Variants in MYO16 observed in about 807,000 individuals in gnomAD.
MYO16 encodes the protein unconventional myosin-XVI.
In MYO16, 94 loss-of-function variants were observed where a neutral mutation model predicts 205.3. The observed-to-expected ratio is 0.46, with a 90% CI of 0.39 to 0.54. MYO16 has a LOEUF of 0.54. Among genes scored for constraint, MYO16 ranks in the 20% least tolerant of loss-of-function variants. The pLI is 0.00. For synonymous variants in MYO16, 988 were observed against 954.0 expected (o/e 1.04, Z -0.66); for missense variants, 2,315 against 2,387.5 (o/e 0.97, Z 0.63).
chr13:109,069,819 A>T (rs895434373), intron 27 of MYO16, among the ~76,000 whole-genome samples: 6 of 152,096 alleles, frequency 3.9e-5, no homozygotes, highest in Non-Finnish European at 8.8e-5. Flanking sequence ...AGACTTCAAC[A>T]TATGAATTTT....
chr13:108,850,990 A>C (rs770828656), intron 10 of MYO16, among the ~76,000 whole-genome samples: 9 of 152,238 alleles, frequency 5.9e-5, no homozygotes, highest in Non-Finnish European at 1.2e-4. Context: ...AACTTCTGTT[A>C]GTACTATTCA....
At chr13:108,840,598 T>C (rs759406056) in intron 9 of MYO16, among the ~76,000 whole-genome samples, 3 of 152,198 alleles carry the variant, frequency 2.0e-5, no homozygotes, top group Non-Finnish European at 4.4e-5. Context: ...AGCATACTGA[T>C]GCAATCACAG....
In MYO16 at chr13:108,654,024, G is replaced by C. The variant is rs1881131994; in HGVS notation, c.29-11862G>C. Reference sequence around the variant, plus strand: ...TTTAGGGTACAAGTCACAGCATGGAGTGTCTCTGCTTGAGTCAAGGGGACA... The same window carrying C: ...TTTAGGGTACAAGTCACAGCATGGACTGTCTCTGCTTGAGTCAAGGGGACA... On this transcript the variant is annotated intron_variant, in intron 1 of 34. Transcript: ENST00000457511. Among the ~76,000 whole-genome samples, 2 of 152,058 alleles carry C rather than the reference G, an allele frequency of 1.3e-5. 1 individual carries two copies. The highest frequency in any genetic ancestry group is 4.8e-5 in the African/African-American group (2 of 41,390).
chr13:108,844,379 T>G lies in MYO16; in HGVS notation c.1134T>G (p.Ser378Arg), dbSNP rs746752185. The G allele has an allele frequency of 1.9e-6, 3 of 1,613,258 alleles. No individual in the cohort carries two copies. Among genetic ancestry groups the G allele is most frequent in the Admixed American group, 3.3e-5 (2 of 59,946 alleles). ...PLVLPIAKQD[S>R]LLEKDIMFKD... ...TGTTACCAATTGCCAAGCAAGACAG[T>G]TTGTTGGAAAAAGACATTATGTTCA... The change falls in exon 10 of 35, where the codon AGT becomes AGG. Residue 378 changes from serine to arginine, a missense_variant. Physicochemically the swap from Ser to Arg is moderately radical, Grantham distance 110. Around this residue, in one of 3 missense-constraint regions of MYO16, gnomAD observed 1,213 missense variants for 1,274.4 expected, o/e 0.95. Coordinates refer to ENST00000457511, the MANE Select transcript of MYO16 (RefSeq NM_001198950.3).
At chr13:108,582,263 T>G in the MYO16 span, among the ~76,000 whole-genome samples, 3 of 152,284 alleles carry the variant, frequency 2.0e-5, no homozygotes, top group Admixed American at 2.0e-4. Context: ...TTGAGCTGGA[T>G]GTTGAAACAC....
chr13:108,759,962 G>A (rs1225435893), intron 4 of MYO16, among the ~76,000 whole-genome samples: 2 of 152,146 alleles, frequency 1.3e-5, no homozygotes, highest in Non-Finnish European at 2.9e-5. Flanking sequence ...TTATTCTGGG[G>A]ATGCATGTGA....
At chr13:109,082,046 A>T (rs1366184504) in intron 27 of MYO16, among the ~76,000 whole-genome samples, 1 of 152,216 alleles carries the variant, frequency 6.6e-6, no homozygotes, top group Admixed American at 6.5e-5. Context: ...CAAAGCCTGA[A>T]GCAGTTGCTA....
chr13:109,122,456 A>G lies in MYO16; in HGVS notation c.3535+1990A>G, dbSNP rs1269720414. Among the ~76,000 whole-genome samples, 3 of 152,186 alleles carry G rather than the reference A, an allele frequency of 2.0e-5. No individual in the cohort carries two copies. The East Asian group carries it at 5.8e-4, about 29-fold the overall frequency. ...CACTTTGGGAGGCCGAGGCAGGCGG[A>G]TCACCTGTGGTTAGGAGTTTGAGAC... is the stretch of plus-strand genomic sequence containing the variant. On this transcript the variant is annotated intron_variant, in intron 29 of 34. Coordinates refer to ENST00000457511, the MANE Select transcript of MYO16 (RefSeq NM_001198950.3).
Position 108,823,169 on chromosome 13 carries a change from G to A in MYO16, c.988G>A (p.Glu330Lys), listed in dbSNP as rs775498997. 5.6e-6 allele frequency: 9 copies of A among 1,612,460 alleles called. No individual in the cohort carries two copies. The highest frequency in any genetic ancestry group is 4.5e-5 in the East Asian group (2 of 44,860). Reference protein sequence around the residue: ...EFIEEMLLKAEIAWEEKMKEP... With the variant: ...EFIEEMLLKAKIAWEEKMKEP... Reference sequence around the variant, plus strand: ...TATTGAGGAAATGCTGCTGAAAGCCGAAATTGCCTGGGAAGAAAAAATGAA... The same window carrying A: ...TATTGAGGAAATGCTGCTGAAAGCCAAAATTGCCTGGGAAGAAAAAATGAA... The change falls in exon 9 of 35, where the codon GAA becomes AAA. Residue 330 changes from glutamate to lysine, a missense_variant. Transcript: ENST00000457511.
At chr13:108,556,300 C>T in the MYO16 span, among the ~76,000 whole-genome samples, 2 of 151,302 alleles carry the variant, frequency 1.3e-5, no homozygotes, top group Admixed American at 1.3e-4. Context: ...CCTTGCAACA[C>T]TTTGTCACTC....
intron 27 of MYO16, among the ~76,000 whole-genome samples, chr13:109,064,187 T>C (rs964613126): frequency 4.6e-5 from 7 of 152,214 alleles, no homozygotes; most frequent in African/African-American, 1.7e-4. Context: ...TAAGTACCTA[T>C]ATAATATCCT....
chr13:109,196,770 A>T (rs1195088784), intron 34 of MYO16, among the ~76,000 whole-genome samples: 1 of 152,166 alleles, frequency 6.6e-6, no homozygotes, highest in Non-Finnish European at 1.5e-5. Flanking sequence ...GCTCCGTATA[A>T]ACCGTGACTT....
the MYO16 span, among the ~76,000 whole-genome samples, chr13:108,578,665 T>C: frequency 6.6e-6 from 1 of 152,182 alleles, no homozygotes; most frequent in Admixed American, 6.5e-5. Flanking sequence ...AAAAACAACC[T>C]GGCATCCTGG....
At chr13:108,608,286 G>A (rs979165549) in intron 1 of MYO16, among the ~76,000 whole-genome samples, 1 of 152,122 alleles carries the variant, frequency 6.6e-6, no homozygotes, top group Non-Finnish European at 1.5e-5. Flanking sequence ...CCTTTGCCCT[G>A]CTCCCCTGTA....
chr13:109,088,129 T>C (rs1888498976), intron 27 of MYO16, among the ~76,000 whole-genome samples: 1 of 152,206 alleles, frequency 6.6e-6, no homozygotes. Context: ...TTCAGCTCCA[T>C]CGCAGTCTGG....
intron 34 of MYO16, chr13:109,201,415 C>G (rs1163749648): frequency 1.4e-5 from 2 of 143,192 alleles, no homozygotes; most frequent in African/African-American, 5.3e-5. Flanking sequence ...TATAGTTACC[C>G]ATGGGTTTAC....
rs370260372 is a variant in MYO16, at chr13:108,813,706, C to G, written c.868-6631C>G. ...TACAGACACACAACACATACACACT[C>G]TCTCTCTTTCTCTCTGAATATTAGT... On this transcript the variant is annotated intron_variant, in intron 7 of 34. Coordinates refer to ENST00000457511, the MANE Select transcript of MYO16 (RefSeq NM_001198950.3). 3.5e-4 allele frequency among the ~76,000 whole-genome samples: 54 copies of G among 152,252 alleles called. 1 individual carries two copies. Among genetic ancestry groups the G allele is most frequent in the Middle Eastern group, 3.4e-3 (1 of 294 alleles).
the MYO16 span, among the ~76,000 whole-genome samples, chr13:108,500,206 GTT>G: frequency 0.019 from 231 of 11,944 alleles, 1 homozygote; most frequent in African/African-American, 0.035. Flanking sequence ...GTTGATTCCT[GTT>G]TTTTTTTTTT....
intron 1 of MYO16, among the ~76,000 whole-genome samples, chr13:108,606,418 C>T (rs1019687747): frequency 2.0e-5 from 3 of 152,156 alleles, no homozygotes; most frequent in Non-Finnish European, 2.9e-5. Flanking sequence ...CACTAGGTGT[C>T]CCAGCTGCTT....
Sources: allele counts gnomAD v4.1 joint callset (sites outside exome capture counted in the v4.1 genomes callset), GRCh38; gene constraint gnomAD v4.1.1; regional missense constraint gnomAD v4.1.1; transcripts MANE v1.5; gene names NCBI Gene and HGNC (gene_info 2026-07-23, HGNC 2026-07-21).